Variants in SYNJ2 observed in about 807,000 individuals in gnomAD.
The protein encoded by SYNJ2 is synaptojanin 2.
A neutral mutation model predicts 141.3 loss-of-function variants in SYNJ2; 116 were observed. That is an observed-to-expected ratio of 0.82 (90% CI 0.71 to 0.96). The LOEUF (loss-of-function observed/expected upper bound fraction) is 0.96. SYNJ2 is among the 40% of genes least tolerant of loss of function. SYNJ2 has a pLI of 0.00. For synonymous variants in SYNJ2, 745 were observed against 777.7 expected (o/e 0.96, Z 0.70); for missense variants, 1,873 against 1,934.8 (o/e 0.97, Z 0.60).
chr6:158,083,407 G>A (rs755976748), intron 20 of SYNJ2, 22 bp from the exon 21 acceptor site: 16 of 1,607,426 alleles, frequency 1.0e-5, no homozygotes, highest in Non-Finnish European at 1.2e-5. Context: ...TTTATTCCTG[G>A]GTGGCCGCTC....
Position 157,992,613 on chromosome 6 carries a change from G to T in SYNJ2, c.127+10525G>T, listed in dbSNP as rs535930367. Among the ~76,000 whole-genome samples, 12 of 152,004 alleles carry T rather than the reference G, an allele frequency of 7.9e-5. No individual in the cohort carries two copies. In the South Asian group the frequency reaches 1.2e-3, roughly 16 times the overall value. ...GGGTTTCACCATGTTGTCCAGGCTG[G>T]TCTCGAACTCCTGACCTCTGGTGAT... On this transcript the variant is annotated intron_variant, in intron 1 of 26. Transcript: ENST00000355585.
chr6:158,080,993 T>TG (rs1782640565), intron 18 of SYNJ2, 116 bp from the exon 19 acceptor site: 1 of 924,288 alleles, frequency 1.1e-6, no homozygotes, highest in Non-Finnish European at 1.7e-6. Flanking sequence ...GGACAGCAGC[T>TG]GGGGACTGGG....
chr6:158,042,570 C>T (rs1562350687), intron 4 of SYNJ2, among the ~76,000 whole-genome samples: 1 of 152,254 alleles, frequency 6.6e-6, no homozygotes, highest in Non-Finnish European at 1.5e-5. Context: ...GATCGTACTT[C>T]TTGTCCTTTT....
intron 1 of SYNJ2, among the ~76,000 whole-genome samples, chr6:157,989,541 A>G (rs1160776497): frequency 6.7e-6 from 1 of 149,176 alleles, no homozygotes; most frequent in Non-Finnish European, 1.5e-5. Context: ...TTGATCGAGG[A>G]GGTTCCCACT....
At chr6:158,038,730 G>A (rs912300569) in intron 4 of SYNJ2, among the ~76,000 whole-genome samples, 3 of 152,266 alleles carry the variant, frequency 2.0e-5, no homozygotes, top group Non-Finnish European at 4.4e-5. Flanking sequence ...GGGCGCAGCA[G>A]GAGTGGGGCA....
chr6:158,060,982 A>G (rs939967650), intron 7 of SYNJ2, among the ~76,000 whole-genome samples: 19 of 152,364 alleles, frequency 1.2e-4, no homozygotes, highest in South Asian at 2.1e-4. Context: ...CCAGGGCCCA[A>G]TGGCCATCAG....
chr6:158,012,996 A>C (rs959806157), intron 1 of SYNJ2, among the ~76,000 whole-genome samples: 2 of 152,228 alleles, frequency 1.3e-5, no homozygotes, highest in African/African-American at 4.8e-5. Context: ...TTCATTCATT[A>C]AACTGGTTCT....
chr6:158,086,728 G>T, intron 22 of SYNJ2, 127 bp from the exon 23 acceptor site: 2 of 788,566 alleles, frequency 2.5e-6, no homozygotes, highest in Non-Finnish European at 3.5e-6. Flanking sequence ...GCCCGTTTCT[G>T]GACAGAGCCT....
intron 26 of SYNJ2, among the ~76,000 whole-genome samples, chr6:158,095,210 G>T (rs554645072): frequency 6.6e-6 from 1 of 151,828 alleles, no homozygotes; most frequent in South Asian, 2.1e-4. Flanking sequence ...AGCTTATGTT[G>T]TAACACAAGT....
In SYNJ2 at chr6:158,043,270, G is replaced by T. The variant is rs1008953407; in HGVS notation, c.712-46G>T. 7.0e-6 allele frequency: 11 copies of T among 1,571,876 alleles called. No individual in the cohort carries two copies. Among genetic ancestry groups the T allele is most frequent in the African/African-American group, 1.3e-5 (1 of 74,162 alleles). ...CCCGTTACCCAGCCCAGGACGTTCG[G>T]TTTCATTGAAGAATACCTTTCCCTT... On this transcript the variant is annotated intron_variant, in intron 4 of 26. Coordinates refer to ENST00000355585, the MANE Select transcript of SYNJ2 (RefSeq NM_003898.4). This position sits in a 1 kb window ranked among gnomAD's most constrained non-coding sequence, Gnocchi z 4.0.
In SYNJ2 at chr6:158,069,636, T is replaced by C. The variant is rs755591103; in HGVS notation, c.1903T>C (p.Tyr635His). The C allele has an allele frequency of 1.2e-6, 2 of 1,613,966 alleles. No homozygotes were observed. The highest frequency in any genetic ancestry group is 1.3e-5 in the African/African-American group (1 of 74,936). ...GGCACAGCTGGTGGGCGTCTGTCTT[T>C]ATATCTTTGTACGTCCATACCATGT... ...TSAQLVGVCL[Y>H]IFVRPYHVPF... The change falls in exon 14 of 27, where the codon TAT becomes CAT. Residue 635 changes from tyrosine (Y) to histidine (H), a missense_variant. Coordinates refer to ENST00000355585, the MANE Select transcript of SYNJ2 (RefSeq NM_003898.4).
chr6:158,087,873 T>TAC (rs1474575479), intron 23 of SYNJ2, among the ~76,000 whole-genome samples: 8 of 138,646 alleles, frequency 5.8e-5, no homozygotes, highest in African/African-American at 2.4e-4. Flanking sequence ...AGCAACATAC[T>TAC]TCTTTTTTTT....
At chr6:157,996,461 T>G (rs572496666) in intron 1 of SYNJ2, among the ~76,000 whole-genome samples, 19 of 152,236 alleles carry the variant, frequency 1.2e-4, no homozygotes, top group Admixed American at 1.2e-3. Context: ...TGCCCCTGCC[T>G]CTTTCTCCAC....
intron 8 of SYNJ2, among the ~76,000 whole-genome samples, chr6:158,063,207 G>A (rs1005703967): frequency 9.9e-5 from 15 of 152,146 alleles, no homozygotes; most frequent in Admixed American, 9.2e-4. Context: ...CAACTTTATA[G>A]AACATAATTG....
At chr6:158,076,187 GGA>G (rs1044727432) in intron 16 of SYNJ2, among the ~76,000 whole-genome samples, 4 of 152,090 alleles carry the variant, frequency 2.6e-5, no homozygotes, top group African/African-American at 9.7e-5. Flanking sequence ...GACCCCAGGG[GGA>G]GAGAGAGAGG....
intron 8 of SYNJ2, 120 bp from the exon 9 acceptor site, chr6:158,063,671 A>C (rs997008247): frequency 5.4e-6 from 3 of 555,390 alleles, no homozygotes; most frequent in South Asian, 4.8e-5. Context: ...AAAAAAAAAA[A>C]AAAAAAAAAA....
Position 158,062,844 on chromosome 6 carries a change from T to C in SYNJ2, c.1127+680T>C, listed in dbSNP as rs527669950. 7.2e-5 allele frequency among the ~76,000 whole-genome samples: 11 copies of C among 152,304 alleles called. No homozygotes were observed. In the South Asian group the frequency reaches 2.3e-3, roughly 32 times the overall value. On this transcript the variant is annotated intron_variant, in intron 8 of 26. Transcript: ENST00000355585. ...CATGTTTTTCACATTTGTGGGGTCT[T>C]TGTTAGGGGCCCCCCTTTGTTCGGG... is the stretch of plus-strand genomic sequence containing the variant.
intron 1 of SYNJ2, among the ~76,000 whole-genome samples, chr6:158,000,659 G>A (rs908174385): frequency 1.3e-5 from 2 of 151,646 alleles, no homozygotes; most frequent in South Asian, 2.1e-4. Context: ...TCTCCCCGCC[G>A]ACCCCCTAGC....
At chr6:158,020,100 C>T (rs1778676621) in intron 2 of SYNJ2, among the ~76,000 whole-genome samples, 1 of 148,756 alleles carries the variant, frequency 6.7e-6, no homozygotes, top group African/African-American at 2.5e-5. Flanking sequence ...GTAACTGACT[C>T]CAATTGTGTG....
Sources: gnomAD v4.1 joint callset for allele counts (sites outside exome capture counted in the v4.1 genomes callset) on GRCh38, gnomAD v4.1.1 for gene constraint, Gnocchi (gnomAD v3.1) non-coding constraint, MANE v1.5 for transcripts, NCBI Gene and HGNC (gene_info 2026-07-23, HGNC 2026-07-21) for gene names.